Variants in TRAF5 observed in about 807,000 individuals in gnomAD.
TRAF5 encodes TNF receptor-associated factor 5.
TRAF5 carries 48 observed loss-of-function variants against 64.5 expected under a neutral mutation model. The observed-to-expected ratio is 0.74, with a 90% CI of 0.59 to 0.95. TRAF5 has a LOEUF of 0.95. Among genes scored for constraint, TRAF5 ranks in the 40% least tolerant of loss-of-function variants. The pLI, the probability that TRAF5 is intolerant of heterozygous loss-of-function variation, is 0.00. For missense variants in TRAF5, 545 were observed against 662.8 expected (o/e 0.82, Z 1.95); for synonymous variants, 206 against 240.5 (o/e 0.86, Z 1.33).
At chr1:211,357,674 G>C (rs750703220) in intron 4 of TRAF5, 5 of 152,120 alleles carry the variant, frequency 3.3e-5, no homozygotes, top group Non-Finnish European at 7.4e-5. Context: ...GAGAGTTGAG[G>C]AGTAATATCA....
At chr1:211,346,069 A>G (rs1702597349) in intron 1 of TRAF5, among the ~76,000 whole-genome samples, 1 of 152,184 alleles carries the variant, frequency 6.6e-6, no homozygotes, top group African/African-American at 2.4e-5. Context: ...ACCATTCTAG[A>G]ACTTTTGTGA....
At position 211,360,707 on chromosome 1, in the gene TRAF5, T is replaced by C; in HGVS notation, c.549T>C (p.His183=). 2 of 1,613,558 alleles carry C rather than the reference T, an allele frequency of 1.2e-6. No homozygotes were observed. Among genetic ancestry groups the C allele is most frequent in the Non-Finnish European group, 1.7e-6 (2 of 1,179,530 alleles). Residue 183 remains histidine (H), a synonymous_variant, in exon 6 of 11, where the codon CAT becomes CAC. Transcript: ENST00000261464. ...KDVVVINLQN[H]EENLCPEYPV... ...TTGCACTTTCTCTATTTCAGAATCATGAGGAAAACTTGTGTCCTGAATACC... is the reference window on the plus strand; with the variant it reads ...TTGCACTTTCTCTATTTCAGAATCACGAGGAAAACTTGTGTCCTGAATACC...
intron 1 of TRAF5, among the ~76,000 whole-genome samples, chr1:211,343,283 A>T (rs1160543652): frequency 6.6e-6 from 1 of 152,100 alleles, no homozygotes; most frequent in Admixed American, 6.5e-5. Context: ...TCATGCTGGT[A>T]ATTGTCATGC....
At position 211,369,305 on chromosome 1, in the gene TRAF5, G is replaced by GA. The variant is rs1419217117; in HGVS notation, c.790-145dup. On this transcript the variant is annotated intron_variant, in intron 8 of 10. Coordinates refer to ENST00000261464, the MANE Select transcript of TRAF5 (RefSeq NM_001033910.3). The stretch of plus-strand genomic sequence containing the variant: ...TGAATATCTTCCTATAATTATGTAG[G>GA]AATCTACCCTGTAAATATTTTCCTA... 4 of 729,336 alleles carry GA rather than the reference G, an allele frequency of 5.5e-6. No homozygotes were observed. In the African/African-American group the frequency reaches 7.4e-5, roughly 14 times the overall value. The allele number at this position is 729,336 out of a possible 1,614,324, so 45.2% of individuals were successfully genotyped here.
chr1:211,364,036 T>TGGG (rs1703269793), intron 7 of TRAF5, among the ~76,000 whole-genome samples: 1 of 152,028 alleles, frequency 6.6e-6, no homozygotes, highest in Admixed American at 6.6e-5. Flanking sequence ...TTGGGATGGC[T>TGGG]GGGGGAGTTA....
rs200231390 is a variant in TRAF5 at position 211,354,450 on chromosome 1, G to A, written c.259G>A (p.Val87Ile). 167 of 1,614,152 alleles carry A rather than the reference G, an allele frequency of 1.0e-4. 1 individual carries two copies. In the South Asian group the frequency reaches 1.7e-3, roughly 17 times the overall value. Reference protein sequence around the residue: ...TVPICPVDKEVIKSQEVFKDN... With the variant: ...TVPICPVDKEIIKSQEVFKDN... Reference sequence around the variant, plus strand: ...GCCAATCTGCCCTGTAGATAAAGAGGTCATCAAATCTCAGGAGGTAAGAAA... The same window carrying A: ...GCCAATCTGCCCTGTAGATAAAGAGATCATCAAATCTCAGGAGGTAAGAAA... The change falls in exon 3 of 11, where the codon GTC (valine) becomes ATC (isoleucine). Residue 87 changes from valine to isoleucine, a missense_variant. Transcript: ENST00000261464.
rs1363898990 is a variant in TRAF5 at position 211,360,077 on chromosome 1, GT to G, written c.543+2del. 2.5e-6 allele frequency: 4 copies of G among 1,613,776 alleles called. No individual in the cohort carries two copies. Among genetic ancestry groups the G allele is most frequent in the Non-Finnish European group, 3.4e-6 (4 of 1,179,868 alleles). On this transcript the variant is annotated splice_donor_variant, in intron 5 of 10. Transcript: ENST00000261464. LOFTEE classifies it high-confidence loss of function. ...GGATGTGGTAGTCATCAATCTACAG[GT>G]GAAAAACAACACATACAACAGTCAT...
intron 4 of TRAF5, chr1:211,359,186 C>T (rs1037616100): frequency 2.0e-5 from 3 of 152,100 alleles, no homozygotes; most frequent in Admixed American, 6.6e-5. Context: ...TGAGTCCTGG[C>T]CTTAAGTGAT....
intron 2 of TRAF5, among the ~76,000 whole-genome samples, chr1:211,353,847 C>T (rs910332004): frequency 1.3e-5 from 2 of 152,182 alleles, no homozygotes; most frequent in Non-Finnish European, 2.9e-5. Context: ...GCCATGGATG[C>T]TGTCCACTCC....
chr1:211,356,507 T>C, intron 4 of TRAF5, 39 bp downstream of exon 4: 3 of 1,579,830 alleles, frequency 1.9e-6, no homozygotes, highest in Non-Finnish European at 2.6e-6. Flanking sequence ...TTTTGCCATT[T>C]TTCCAGGAAT....
At chr1:211,359,267 A>C (rs1167800309) in intron 4 of TRAF5, 2 of 152,190 alleles carry the variant, frequency 1.3e-5, no homozygotes, top group Non-Finnish European at 2.9e-5. Context: ...ATAAAGTATT[A>C]TTAATGGTTA....
chr1:211,361,242 T>A (rs1398225897), intron 7 of TRAF5, 80 bp downstream of exon 7: 1 of 1,291,464 alleles, frequency 7.7e-7, no homozygotes, highest in East Asian at 2.3e-5. Context: ...CTCTGTTCCA[T>A]CGAGGATGGA....
At chr1:211,362,030 G>A (rs181384712) in intron 7 of TRAF5, among the ~76,000 whole-genome samples, 1 of 150,472 alleles carries the variant, frequency 6.6e-6, no homozygotes, top group East Asian at 1.9e-4. Context: ...GCCTCCACCT[G>A]GTTTGGGAAC....
chr1:211,354,534 A>G, intron 3 of TRAF5, 67 bp downstream of exon 3: 4 of 1,525,244 alleles, frequency 2.6e-6, no homozygotes, highest in Non-Finnish European at 3.6e-6. Context: ...TGAATTGGAC[A>G]TTGAGATAGG....
chr1:211,352,249 A>T (rs1488169351), intron 1 of TRAF5, among the ~76,000 whole-genome samples: 1 of 152,126 alleles, frequency 6.6e-6, no homozygotes, highest in Non-Finnish European at 1.5e-5. Context: ...GGATGGCAGT[A>T]GGCAAAATGA....
intron 3 of TRAF5, 29 bp downstream of exon 3, chr1:211,354,496 G>A (rs1268120857): frequency 5.0e-6 from 8 of 1,609,634 alleles, no homozygotes; most frequent in Middle Eastern, 3.3e-4. Flanking sequence ...TTGTCTAGCA[G>A]CTCTCAGGGT....
intron 1 of TRAF5, among the ~76,000 whole-genome samples, chr1:211,350,937 C>T (rs1452176465): frequency 6.6e-6 from 1 of 151,970 alleles, no homozygotes; most frequent in African/African-American, 2.4e-5. Flanking sequence ...ACTCGAACTC[C>T]TAGGTTCAAG....
intron 3 of TRAF5, among the ~76,000 whole-genome samples, chr1:211,355,172 C>CA (rs34405743): frequency 2.3e-3 from 290 of 128,300 alleles, no homozygotes; most frequent in East Asian, 0.014. Flanking sequence ...GACTCTGTCT[C>CA]AAAAAAAAAA....
intron 1 of TRAF5, among the ~76,000 whole-genome samples, chr1:211,336,745 C>T (rs1192201926): frequency 6.6e-6 from 1 of 152,202 alleles, no homozygotes; most frequent in Non-Finnish European, 1.5e-5. Flanking sequence ...CTGTAACCTC[C>T]ACCTCCCTGG....
Sources: allele counts gnomAD v4.1 joint callset (sites outside exome capture counted in the v4.1 genomes callset), GRCh38; gene constraint gnomAD v4.1.1; transcripts MANE v1.5; gene names NCBI Gene and HGNC (gene_info 2026-07-23, HGNC 2026-07-21).